The following UNC5C variants were observed in gnomAD, a reference collection of about 807,000 sequenced individuals.
UNC5C encodes netrin receptor UNC5C.
Under a neutral mutation model 99.8 loss-of-function variants are expected in UNC5C, and 47 were observed. That is an observed-to-expected ratio of 0.47 (90% CI 0.37 to 0.60). The LOEUF (loss-of-function observed/expected upper bound fraction) is 0.60. Ranked by LOEUF, UNC5C falls within the 20% of genes least tolerant of loss-of-function variation. The pLI is 0.00. For synonymous variants in UNC5C, 487 were observed against 452.2 expected (o/e 1.08, Z -0.98); for missense variants, 1,062 against 1,165.9 (o/e 0.91, Z 1.30).
Position 95,273,186 on chromosome 4 carries a change from T to G in UNC5C, c.594+5073A>C, listed in dbSNP as rs542383075. On this transcript the variant is annotated intron_variant, in intron 4 of 15. Coordinates refer to ENST00000453304, the MANE Select transcript of UNC5C (RefSeq NM_003728.4). ...TAAGATGACAGTTTCTAAGCACAAC[T>G]GGGTCAATAAGTTGAACATTGTGCC... is the stretch of plus-strand genomic sequence containing the variant. 8.5e-5 allele frequency among the ~76,000 whole-genome samples: 13 copies of G among 152,348 alleles called. No individual in the cohort carries two copies. In the East Asian group the frequency reaches 2.5e-3, roughly 29 times the overall value.
Position 95,220,169 on chromosome 4 carries a change from A to G in UNC5C, c.1116T>C (p.Pro372=), listed in dbSNP as rs761028595. 4 of 1,612,674 alleles carry G rather than the reference A, an allele frequency of 2.5e-6. No individual in the cohort carries two copies. The change falls in exon 8 of 16, where the codon CCT becomes CCC. Residue 372 remains proline (P), a synonymous_variant. Transcript: ENST00000453304. Reference sequence around the variant, plus strand: ...CATAGAGAGCAACATCATCTGAATCAGGAGCAGCTAGAGAGGAGAGTGAAA... The same window carrying G: ...CATAGAGAGCAACATCATCTGAATCGGGAGCAGCTAGAGAGGAGAGTGAAA... ...CTDGLCMQTA[P]DSDDVALYVG... is the part of the protein sequence containing the mutation.
At chr4:95,406,514 A>G (rs2149450214) in intron 1 of UNC5C, among the ~76,000 whole-genome samples, 1 of 152,326 alleles carries the variant, frequency 6.6e-6, no homozygotes, top group African/African-American at 2.4e-5. Context: ...ACTGTAGTTT[A>G]GGCAGGGCTT....
At chr4:95,282,685 A>G (rs1436411798) in intron 3 of UNC5C, among the ~76,000 whole-genome samples, 1 of 152,196 alleles carries the variant, frequency 6.6e-6, no homozygotes, top group East Asian at 1.9e-4. Flanking sequence ...AGGCCCAGCA[A>G]GACTGTGGGT....
intron 2 of UNC5C, among the ~76,000 whole-genome samples, chr4:95,326,678 T>C (rs1032763819): frequency 2.0e-5 from 3 of 152,192 alleles, no homozygotes; most frequent in African/African-American, 7.2e-5. Flanking sequence ...GTAATGGTAA[T>C]GAATGATCTT....
intron 1 of UNC5C, among the ~76,000 whole-genome samples, chr4:95,461,756 A>G (rs759277085): frequency 6.6e-6 from 1 of 152,104 alleles, no homozygotes; most frequent in Non-Finnish European, 1.5e-5. Flanking sequence ...TCCAGCACCA[A>G]CCGAACCTGG....
At chr4:95,341,180 C>T (rs1485761890) in intron 1 of UNC5C, among the ~76,000 whole-genome samples, 1 of 151,660 alleles carries the variant, frequency 6.6e-6, no homozygotes, top group African/African-American at 2.4e-5. Flanking sequence ...AGTGTAAATA[C>T]ATATGTACGA....
intron 12 of UNC5C, among the ~76,000 whole-genome samples, chr4:95,191,526 A>C (rs1310839462): frequency 3.3e-5 from 5 of 151,420 alleles, no homozygotes. Flanking sequence ...TGTTGCCTAC[A>C]CCCTCTGCTC....
At chr4:95,429,796 G>A (rs1008751497) in intron 1 of UNC5C, among the ~76,000 whole-genome samples, 1 of 152,074 alleles carries the variant, frequency 6.6e-6, no homozygotes, top group Non-Finnish European at 1.5e-5. Flanking sequence ...TAACCAGGAA[G>A]AGAAAACAAG....
At chr4:95,186,252 C>A (rs1488954459) in intron 12 of UNC5C, among the ~76,000 whole-genome samples, 3 of 143,524 alleles carry the variant, frequency 2.1e-5, no homozygotes. Context: ...AGAAAAAAAG[C>A]AAAATATAAT....
chr4:95,442,214 T>C (rs1746969013), intron 1 of UNC5C, among the ~76,000 whole-genome samples: 1 of 152,060 alleles, frequency 6.6e-6, no homozygotes, highest in Non-Finnish European at 1.5e-5. Flanking sequence ...TATTTGTTTG[T>C]TTGTTTTGAA....
At chr4:95,499,446 G>T (rs1468623335) in intron 1 of UNC5C, among the ~76,000 whole-genome samples, 3 of 152,062 alleles carry the variant, frequency 2.0e-5, no homozygotes, top group African/African-American at 7.2e-5. Flanking sequence ...TGCCTCTGTG[G>T]GAAACCCCAG....
At chr4:95,373,287 A>G (rs1044570770) in intron 1 of UNC5C, among the ~76,000 whole-genome samples, 3 of 152,092 alleles carry the variant, frequency 2.0e-5, no homozygotes, top group Non-Finnish European at 4.4e-5. Context: ...CTACATCTAT[A>G]TGAGCTGACC....
chr4:95,227,194 G>C (rs928456573), intron 7 of UNC5C, among the ~76,000 whole-genome samples: 1 of 150,404 alleles, frequency 6.6e-6, no homozygotes, highest in Non-Finnish European at 1.5e-5. Context: ...CTGTCATGCT[G>C]GCTGGAGTGC....
intron 1 of UNC5C, among the ~76,000 whole-genome samples, chr4:95,502,489 C>G (rs1229767864): frequency 1.3e-5 from 2 of 152,100 alleles, no homozygotes; most frequent in African/African-American, 2.4e-5. Context: ...CCAGACTGGT[C>G]TTTAAACTCC....
At chr4:95,482,778 G>A (rs74448203) in intron 1 of UNC5C, among the ~76,000 whole-genome samples, 32,696 of 90,312 alleles carry the variant, frequency 0.36, 5,229 homozygotes, top group African/African-American at 0.52. Context: ...CAAACACCGC[G>A]TGTTCTCACT....
chr4:95,540,908 C>A (rs1722901865), intron 1 of UNC5C, among the ~76,000 whole-genome samples: 1 of 152,114 alleles, frequency 6.6e-6, no homozygotes, highest in Non-Finnish European at 1.5e-5. Context: ...GCTCTTTTCA[C>A]TGACTATCAT....
At chr4:95,410,313 C>T (rs1441630542) in intron 1 of UNC5C, among the ~76,000 whole-genome samples, 2 of 152,066 alleles carry the variant, frequency 1.3e-5, no homozygotes, top group Non-Finnish European at 2.9e-5. Flanking sequence ...ATGATACCTC[C>T]TACTAGGTCC....
intron 14 of UNC5C, among the ~76,000 whole-genome samples, chr4:95,180,107 C>T (rs1274833221): frequency 6.6e-6 from 1 of 152,068 alleles, no homozygotes; most frequent in East Asian, 1.9e-4. Flanking sequence ...TAAGCATGTG[C>T]TCTGGGCCAA....
At chr4:95,173,170 A>T (rs1021447491) in intron 14 of UNC5C, among the ~76,000 whole-genome samples, 13 of 151,068 alleles carry the variant, frequency 8.6e-5, no homozygotes, top group Non-Finnish European at 1.9e-4. Context: ...TAGATATACA[A>T]TCATGTCATC....
Sources: gnomAD v4.1 joint callset for allele counts (sites outside exome capture counted in the v4.1 genomes callset) on GRCh38, gnomAD v4.1.1 for gene constraint, MANE v1.5 for transcripts, NCBI Gene and HGNC (gene_info 2026-07-23, HGNC 2026-07-21) for gene names.